ME1: variants seen among roughly 807,000 people sequenced by gnomAD.
ME1 encodes NADP-dependent malic enzyme.
A neutral mutation model predicts 66.4 loss-of-function variants in ME1; 74 were observed. That is an observed-to-expected ratio of 1.11 (90% CI 0.92 to 1.35). ME1 has a LOEUF of 1.35. ME1 is among the 40% of genes most tolerant of loss of function. ME1 has a pLI of 0.00. For missense variants in ME1, 750 were observed against 694.1 expected, an observed-to-expected ratio of 1.08 and a Z score of -0.90; for synonymous variants, 251 against 235.6, an observed-to-expected ratio of 1.07 and a Z score of -0.60.
intron 6 of ME1, among the ~76,000 whole-genome samples, chr6:83,270,646 G>A (rs1434825198): frequency 6.6e-6 from 1 of 152,092 alleles, no homozygotes; most frequent in Non-Finnish European, 1.5e-5. Context: ...AAACAGAGGG[G>A]TTTCTTCACT....
chr6:83,322,059 G>C (rs751274894), intron 5 of ME1, among the ~76,000 whole-genome samples: 2 of 152,196 alleles, frequency 1.3e-5, no homozygotes, highest in African/African-American at 4.8e-5. Flanking sequence ...GCAGAAGAGG[G>C]GACTGACTCT....
At chr6:83,260,462 A>C (rs1319346302) in intron 6 of ME1, among the ~76,000 whole-genome samples, 1 of 152,126 alleles carries the variant, frequency 6.6e-6, no homozygotes, top group African/African-American at 2.4e-5. Flanking sequence ...TATACAAGGT[A>C]GTTCTATAGG....
chr6:83,327,810 T>G (rs1768330945), intron 5 of ME1, among the ~76,000 whole-genome samples: 2 of 152,130 alleles, frequency 1.3e-5, no homozygotes, highest in South Asian at 4.1e-4. Flanking sequence ...AACTTGCTGG[T>G]TTTTGTGGCT....
chr6:83,324,750 G>A (rs981033048), intron 5 of ME1, among the ~76,000 whole-genome samples: 4 of 138,182 alleles, frequency 2.9e-5, no homozygotes, highest in Non-Finnish European at 6.1e-5. Flanking sequence ...AGCCCAGGAC[G>A]AGATGGATTC....
chr6:83,376,630 A>G (rs1420291202), intron 3 of ME1, among the ~76,000 whole-genome samples: 1 of 144,336 alleles, frequency 6.9e-6, no homozygotes, highest in Admixed American at 7.1e-5. Flanking sequence ...GCGAAACTCC[A>G]TCTCTGTCAA....
chr6:83,276,211 T>C (rs117190086), intron 6 of ME1, among the ~76,000 whole-genome samples: 1,821 of 152,248 alleles, frequency 0.012, 19 homozygotes, highest in Non-Finnish European at 0.017. Context: ...AGAACCAACT[T>C]TGAATACAGT....
At chr6:83,400,954 G>T (rs1233863845) in intron 2 of ME1, among the ~76,000 whole-genome samples, 1 of 152,054 alleles carries the variant, frequency 6.6e-6, no homozygotes, top group Non-Finnish European at 1.5e-5. Flanking sequence ...ATGGCTAACT[G>T]CTCCACCACC....
At chr6:83,249,624 C>T (rs1583339850) in intron 7 of ME1, among the ~76,000 whole-genome samples, 2 of 152,274 alleles carry the variant, frequency 1.3e-5, no homozygotes, top group Non-Finnish European at 2.9e-5. Context: ...ACATTATCAT[C>T]CCCATTTTAC....
intron 6 of ME1, among the ~76,000 whole-genome samples, chr6:83,290,727 A>G (rs1767485631): frequency 6.6e-6 from 1 of 152,148 alleles, no homozygotes; most frequent in Non-Finnish European, 1.5e-5. Flanking sequence ...AGGGTGTTAA[A>G]GTCTCCCACT....
intron 6 of ME1, among the ~76,000 whole-genome samples, chr6:83,266,624 T>C (rs781657861): frequency 2.6e-5 from 4 of 152,214 alleles, no homozygotes; most frequent in Non-Finnish European, 5.9e-5. Context: ...ATAAGCTCGT[T>C]TCCTCTCATA....
At chr6:83,348,485 CTTAG>C (rs2128544102) in intron 4 of ME1, among the ~76,000 whole-genome samples, 1 of 152,130 alleles carries the variant, frequency 6.6e-6, no homozygotes, top group Admixed American at 6.5e-5. Context: ...TGTCATTTAG[CTTAG>C]TTAGCTTAGT....
At chr6:83,216,421 A>T in intron 13 of ME1, 77 bp downstream of exon 13, 1 of 1,042,474 alleles carries the variant, frequency 9.6e-7, no homozygotes, top group Non-Finnish European at 1.5e-6. Context: ...AAGGAAGCAG[A>T]TTTTTAATAT....
intron 6 of ME1, 145 bp downstream of exon 6, chr6:83,315,165 A>T (rs1395854282): frequency 1.7e-6 from 1 of 581,904 alleles, no homozygotes; most frequent in African/African-American, 1.9e-5. Context: ...GTCCATTAAC[A>T]GTTATGAGGA....
chr6:83,381,141 G>A (rs902411118), intron 3 of ME1, among the ~76,000 whole-genome samples: 9 of 151,986 alleles, frequency 5.9e-5, no homozygotes, highest in Non-Finnish European at 1.0e-4. Flanking sequence ...AGGCCCAGCC[G>A]AAATTGAACT....
intron 6 of ME1, among the ~76,000 whole-genome samples, chr6:83,277,334 T>A (rs1169574694): frequency 1.3e-5 from 2 of 152,216 alleles, no homozygotes; most frequent in African/African-American, 4.8e-5. Context: ...AATCTGGGTA[T>A]AAATTCCTCA....
Position 83,349,826 on chromosome 6 carries a change from A to G in ME1, c.438+2238T>C, listed in dbSNP as rs369534896. 2.0e-5 allele frequency among the ~76,000 whole-genome samples: 3 copies of G among 152,178 alleles called. No homozygotes were observed. In the East Asian group the frequency reaches 5.8e-4, roughly 29 times the overall value. ...AATCTTAATTCCACTATATTCCAATATTAACACTCAGCTTTAGTCAGGCAA... is the reference window on the plus strand; with the variant it reads ...AATCTTAATTCCACTATATTCCAATGTTAACACTCAGCTTTAGTCAGGCAA... On this transcript the variant is annotated intron_variant, in intron 4 of 13. Coordinates refer to ENST00000369705, the MANE Select transcript of ME1 (RefSeq NM_002395.6).
rs1162784825 is a variant in ME1 at position 83,317,833 on chromosome 6, C to T, written c.601-2420G>A. ...GTTCATATGGAACCAAAAAAGAGCC[C>T]GCACTGCCAAGTCAATCCTAAGCCA... is the stretch of plus-strand genomic sequence containing the variant. On this transcript the variant is annotated intron_variant, in intron 5 of 13. Coordinates refer to ENST00000369705, the MANE Select transcript of ME1 (RefSeq NM_002395.6). 8.5e-5 allele frequency among the ~76,000 whole-genome samples: 13 copies of T among 152,176 alleles called. No homozygotes were observed. In the East Asian group the frequency reaches 9.7e-4, roughly 11 times the overall value.
intron 9 of ME1, among the ~76,000 whole-genome samples, chr6:83,231,684 C>T (rs1315693547): frequency 1.3e-5 from 2 of 152,032 alleles, no homozygotes; most frequent in Non-Finnish European, 2.9e-5. Flanking sequence ...TTCGTTATGC[C>T]AATAACTTCA....
intron 5 of ME1, among the ~76,000 whole-genome samples, chr6:83,330,362 C>T (rs1583385330): frequency 1.3e-5 from 2 of 152,040 alleles, no homozygotes; most frequent in African/African-American, 4.8e-5. Flanking sequence ...AGCAAAGTAA[C>T]CATCACATTC....
Sources: allele counts gnomAD v4.1 joint callset (sites outside exome capture counted in the v4.1 genomes callset), GRCh38; gene constraint gnomAD v4.1.1; transcripts MANE v1.5; gene names NCBI Gene and HGNC (gene_info 2026-07-23, HGNC 2026-07-21).